FMO5: variants seen among roughly 807,000 people sequenced by gnomAD.
The protein encoded by FMO5 is flavin-containing monooxygenase 5.
In FMO5, 51 loss-of-function variants were observed where a neutral mutation model predicts 43.6. That is an observed-to-expected ratio of 1.17 (90% confidence interval 0.93 to 1.48). The LOEUF (loss-of-function observed/expected upper bound fraction) is 1.48, where lower values mean the gene tolerates loss of function less well. Among genes scored for constraint, FMO5 ranks in the 40% most tolerant of loss-of-function variants. The pLI, the probability that FMO5 is intolerant of heterozygous loss-of-function variation, is 0.00. For synonymous variants in FMO5, 187 were observed against 216.5 expected (o/e 0.86, Z 1.20); for missense variants, 644 against 643.0 (o/e 1.00, Z -0.02).
intron 8 of FMO5, among the ~76,000 whole-genome samples, chr1:147,189,600 C>T (rs998337146): frequency 3.3e-5 from 5 of 152,118 alleles, no homozygotes; most frequent in African/African-American, 4.8e-5. Flanking sequence ...AAACACCCAG[C>T]GATTGAGCTT....
chr1:147,213,665 A>G (rs1016729617), intron 3 of FMO5, among the ~76,000 whole-genome samples, 195 bp from the exon 4 acceptor site: 2 of 152,212 alleles, frequency 1.3e-5, no homozygotes, highest in Non-Finnish European at 2.9e-5. Context: ...ACAGAAAAAA[A>G]TAACATAGTG....
chr1:147,225,269 T>G lies in FMO5; in HGVS notation c.-38+18A>C, dbSNP rs980885803. The G allele has an allele frequency of 5.0e-5, 53 of 1,068,632 alleles. No individual in the cohort carries two copies. Among genetic ancestry groups the G allele is most frequent in the Admixed American group, 3.1e-5 (1 of 32,174 alleles). 66.2% of individuals were successfully genotyped at this position (1,068,632 alleles called of 1,614,324 possible). On this transcript the variant is annotated intron_variant, in intron 1 of 8. Coordinates refer to ENST00000254090, the MANE Select transcript of FMO5 (RefSeq NM_001461.4). ...AGACCCAGAGCTGAGAGTGCTCTGC[T>G]GCGGTACCGGATCTCACCGCCTTTC...
At chr1:147,218,080 T>C (rs1255860352) in intron 2 of FMO5, among the ~76,000 whole-genome samples, 1 of 152,214 alleles carries the variant, frequency 6.6e-6, no homozygotes, top group African/African-American at 2.4e-5. Context: ...ATAAGATATA[T>C]GTATCTCCCA....
At chr1:147,205,056 C>T in intron 6 of FMO5, 1 of 639,398 alleles carries the variant, frequency 1.6e-6, no homozygotes, top group Non-Finnish European at 2.8e-6. Flanking sequence ...TATAGTCCAG[C>T]CATACCAGAC....
chr1:147,185,795 G>C (rs587720890), downstream of FMO5, among the ~76,000 whole-genome samples: 1 of 152,268 alleles, frequency 6.6e-6, no homozygotes, highest in South Asian at 2.1e-4. Flanking sequence ...CATGAAACAA[G>C]AACAGTGAAA....
At chr1:147,187,316 T>G (rs1553917409) in intron 8 of FMO5, 71 bp from the exon 9 acceptor site, 6 of 1,132,182 alleles carry the variant, frequency 5.3e-6, no homozygotes, top group Non-Finnish European at 7.6e-6. Flanking sequence ...TACTGCCTTC[T>G]GAGTGCCTGC....
intron 5 of FMO5, among the ~76,000 whole-genome samples, chr1:147,212,130 A>G (rs910642011): frequency 6.6e-6 from 1 of 152,202 alleles, no homozygotes. Flanking sequence ...CCTGATTAGG[A>G]TAATGAGCCC....
chr1:147,196,842 A>G (rs1658102147), intron 7 of FMO5, among the ~76,000 whole-genome samples: 1 of 151,988 alleles, frequency 6.6e-6, no homozygotes, highest in Admixed American at 6.6e-5. Context: ...TCTGTCACCA[A>G]ATTCTTCAGA....
At chr1:147,216,840 A>G (rs1467372994) in intron 2 of FMO5, among the ~76,000 whole-genome samples, 5 of 152,230 alleles carry the variant, frequency 3.3e-5, no homozygotes, top group African/African-American at 1.2e-4. Context: ...TCTTCATGTG[A>G]TTCAGAATTC....
At chr1:147,214,476 A>AG (rs1355495146) in intron 3 of FMO5, among the ~76,000 whole-genome samples, 2 of 150,758 alleles carry the variant, frequency 1.3e-5, no homozygotes, top group South Asian at 2.1e-4. Flanking sequence ...CAAAAAAAAA[A>AG]AGAGAGACAA....
At chr1:147,223,108 A>T (rs1553926659) in intron 2 of FMO5, among the ~76,000 whole-genome samples, 1 of 152,236 alleles carries the variant, frequency 6.6e-6, no homozygotes, top group Non-Finnish European at 1.5e-5. Context: ...GGTACAGAGA[A>T]GCTTAATGAT....
At chr1:147,206,878 A>G (rs782306890) in intron 6 of FMO5, among the ~76,000 whole-genome samples, 28 of 152,160 alleles carry the variant, frequency 1.8e-4, no homozygotes, top group Middle Eastern at 3.4e-3. Flanking sequence ...GCACATATAT[A>G]CATATATAAC....
At chr1:147,207,524 T>C (rs1462590334) in intron 6 of FMO5, among the ~76,000 whole-genome samples, 1 of 152,220 alleles carries the variant, frequency 6.6e-6, no homozygotes, top group Non-Finnish European at 1.5e-5. Context: ...ATCTGTCCTC[T>C]TTCTTCTCAT....
chr1:147,224,630 C>T (rs1553927063), intron 2 of FMO5, among the ~76,000 whole-genome samples: 1 of 152,104 alleles, frequency 6.6e-6, no homozygotes, highest in Non-Finnish European at 1.5e-5. Flanking sequence ...CTGCCTTAGC[C>T]TCCCGAGTAG....
intron 7 of FMO5, 56 bp from the exon 8 acceptor site, chr1:147,190,305 C>T (rs1656463775): frequency 9.3e-7 from 1 of 1,080,204 alleles, no homozygotes; most frequent in African/African-American, 1.6e-5. Flanking sequence ...GAACAATAAT[C>T]CTATAAACAA....
intron 8 of FMO5, among the ~76,000 whole-genome samples, chr1:147,189,248 G>A (rs1214292852): frequency 1.3e-5 from 2 of 150,258 alleles, no homozygotes; most frequent in African/African-American, 5.0e-5. Flanking sequence ...ACTCCAGCCT[G>A]AGTGACAGAG....
chr1:147,211,771 C>A (rs1482480325), intron 5 of FMO5, among the ~76,000 whole-genome samples: 2 of 152,144 alleles, frequency 1.3e-5, no homozygotes, highest in Non-Finnish European at 2.9e-5. Context: ...AACAAAAAGC[C>A]AAGGAGATAT....
rs781979585 is a variant in FMO5, at chr1:147,212,507, G to T, written c.516C>A (p.Phe172Leu). ...PGIEKFKGQY[F>L]HSRDYKNPEG... Reference sequence around the variant, plus strand: ...CTGGGTTCTTATAGTCTCGACTGTGGAAGTACTGCCCTTTGAACTTCTCAA... The same window carrying T: ...CTGGGTTCTTATAGTCTCGACTGTGTAAGTACTGCCCTTTGAACTTCTCAA... Residue 172 changes from phenylalanine (F) to leucine (L), a missense_variant, in exon 5 of 9, where the codon TTC (phenylalanine) becomes TTA (leucine). Coordinates refer to ENST00000254090, the MANE Select transcript of FMO5 (RefSeq NM_001461.4). The T allele has an allele frequency of 4.3e-6, 7 of 1,613,824 alleles. No homozygotes were observed. The highest frequency in any genetic ancestry group is 1.6e-4 in the Middle Eastern group (1 of 6,062).
At chr1:147,223,797 C>CT (rs1413457599) in intron 2 of FMO5, 2 of 267,792 alleles carry the variant, frequency 7.5e-6, no homozygotes, top group Non-Finnish European at 1.5e-5. Context: ...TGCCATTAAC[C>CT]AGTTCACCCA....
Sources: allele counts gnomAD v4.1 joint callset (sites outside exome capture counted in the v4.1 genomes callset), GRCh38; gene constraint gnomAD v4.1.1; transcripts MANE v1.5; gene names NCBI Gene and HGNC (gene_info 2026-07-23, HGNC 2026-07-21).